The following WDPCP variants were observed in gnomAD, a reference collection of about 807,000 sequenced individuals.
WDPCP encodes the protein WD repeat containing planar cell polarity effector.
A neutral mutation model predicts 93.1 loss-of-function variants in WDPCP; 71 were observed. The ratio of observed to expected loss-of-function variants is 0.76; its 90% CI spans 0.63 to 0.93. The LOEUF (loss-of-function observed/expected upper bound fraction) is 0.93, where lower values mean the gene tolerates loss of function less well. Among genes scored for constraint, WDPCP ranks in the 40% least tolerant of loss-of-function variants. The probability of loss-of-function intolerance (pLI) is 0.00; values close to 1 mark genes in which losing one functional copy is unlikely to be tolerated. For synonymous variants in WDPCP, 315 were observed against 315.0 expected (o/e 1.00, Z 0.00); for missense variants, 844 against 887.4 (o/e 0.95, Z 0.62).
At chr2:63,563,110 A>G (rs996985722) in intron 1 of WDPCP, among the ~76,000 whole-genome samples, 3 of 152,162 alleles carry the variant, frequency 2.0e-5, no homozygotes, top group African/African-American at 7.2e-5. Flanking sequence ...GACTGAAAGG[A>G]TTGCATTTCT....
chr2:63,605,593 T>C (rs1458735269), intron 3 of WDPCP, among the ~76,000 whole-genome samples: 1 of 152,242 alleles, frequency 6.6e-6, no homozygotes, highest in East Asian at 1.9e-4. Context: ...ACATTACTAT[T>C]ATACACAGGG....
At chr2:63,473,986 C>T (rs1699829782) in intron 6 of WDPCP, among the ~76,000 whole-genome samples, 2 of 151,950 alleles carry the variant, frequency 1.3e-5, no homozygotes, top group Non-Finnish European at 2.9e-5. Context: ...AATCCTTATT[C>T]CTGTTTTATC....
At chr2:63,558,149 C>A (rs1185626952) in intron 1 of WDPCP, among the ~76,000 whole-genome samples, 1 of 151,634 alleles carries the variant, frequency 6.6e-6, no homozygotes, top group African/African-American at 2.4e-5. Context: ...AGATAAGAGA[C>A]ATAAAAACCT....
intron 3 of WDPCP, among the ~76,000 whole-genome samples, chr2:63,621,398 A>C (rs1033154179): frequency 6.6e-6 from 1 of 152,002 alleles, no homozygotes; most frequent in South Asian, 2.1e-4. Flanking sequence ...CAATAGCCGA[A>C]TTGATCAAGC....
intron 13 of WDPCP, among the ~76,000 whole-genome samples, chr2:63,275,101 G>C (rs1682979633): frequency 6.6e-6 from 1 of 152,080 alleles, no homozygotes. Flanking sequence ...ACATCAACAA[G>C]ACAATACACC....
intron 1 of WDPCP, among the ~76,000 whole-genome samples, chr2:63,546,103 A>G (rs1705134188): frequency 6.6e-6 from 1 of 152,176 alleles, no homozygotes; most frequent in Admixed American, 6.5e-5. Context: ...TACTATATTC[A>G]CTGAAGCAGA....
chr2:63,296,039 T>C (rs72813476), intron 13 of WDPCP, among the ~76,000 whole-genome samples: 24,383 of 151,886 alleles, frequency 0.16, 2,610 homozygotes, highest in Non-Finnish European at 0.21. Flanking sequence ...GTAAATATCC[T>C]CAACAAAATA....
At chr2:63,437,861 C>T (rs1697242392) in intron 7 of WDPCP, 2 of 1,597,560 alleles carry the variant, frequency 1.3e-6, no homozygotes, top group Admixed American at 1.7e-5. Flanking sequence ...CTATTTCGCA[C>T]CTGAATGTAG....
intron 13 of WDPCP, among the ~76,000 whole-genome samples, chr2:63,291,766 G>A (rs1684436210): frequency 6.6e-6 from 1 of 150,602 alleles, no homozygotes; most frequent in East Asian, 2.0e-4. Context: ...CTGAGATTGT[G>A]CCATTGCACT....
chr2:63,595,735 T>C (rs1178698171), intron 3 of WDPCP, among the ~76,000 whole-genome samples: 2 of 152,184 alleles, frequency 1.3e-5, no homozygotes, highest in Non-Finnish European at 2.9e-5. Context: ...TATCCTTTTT[T>C]CCCCAATGTG....
At chr2:63,301,119 C>T (rs376667082) in intron 13 of WDPCP, among the ~76,000 whole-genome samples, 1 of 152,206 alleles carries the variant, frequency 6.6e-6, no homozygotes, top group Non-Finnish European at 1.5e-5. Flanking sequence ...CCATGAGGCA[C>T]ATTGTTGGTC....
chr2:63,660,547 C>T lies in WDPCP; in HGVS notation n.309-9709G>A, dbSNP rs971405303. On this transcript the variant is annotated intron_variant and non_coding_transcript_variant, in intron 2 of 4. Coordinates refer to the WDPCP transcript ENST00000467687. ...CTCCCAGTCCAATTTATCTCCTCTG[C>T]TCTATATTGTTATTCTATTACCTCA... 2.9e-4 allele frequency among the ~76,000 whole-genome samples: 44 copies of T among 152,172 alleles called. 1 individual carries two copies. The highest frequency in any genetic ancestry group is 1.6e-4 in the Non-Finnish European group (11 of 68,028).
chr2:63,553,312 G>A (rs143863123), intron 1 of WDPCP, among the ~76,000 whole-genome samples: 1 of 152,104 alleles, frequency 6.6e-6, no homozygotes, highest in Non-Finnish European at 1.5e-5. Context: ...TCAAGGTTGT[G>A]GGAAGTATTT....
intron 13 of WDPCP, among the ~76,000 whole-genome samples, chr2:63,268,248 A>T (rs933841497): frequency 3.3e-5 from 5 of 152,124 alleles, no homozygotes; most frequent in East Asian, 1.9e-4. Context: ...GTATGATCTC[A>T]CTTGTTATAT....
At chr2:63,313,840 C>T (rs1686373239) in intron 12 of WDPCP, among the ~76,000 whole-genome samples, 2 of 75,256 alleles carry the variant, frequency 2.7e-5, no homozygotes, top group South Asian at 1.1e-3. Flanking sequence ...TCTGGCAATA[C>T]TAATTATTCA....
intron 2 of WDPCP, among the ~76,000 whole-genome samples, chr2:63,731,041 C>T (rs1452761102): frequency 6.6e-6 from 1 of 151,934 alleles, no homozygotes; most frequent in Non-Finnish European, 1.5e-5. Context: ...GAGGCCGAGG[C>T]GGGCGGATCA....
At chr2:63,756,450 G>A (rs1669968833) in intron 2 of WDPCP, among the ~76,000 whole-genome samples, 1 of 152,136 alleles carries the variant, frequency 6.6e-6, no homozygotes, top group South Asian at 2.1e-4. Flanking sequence ...TGATCACTCT[G>A]TGACATCTTG....
chr2:63,278,434 G>A (rs1269750716), intron 13 of WDPCP, among the ~76,000 whole-genome samples: 4 of 104,302 alleles, frequency 3.8e-5, no homozygotes, highest in Admixed American at 3.3e-4. Context: ...AAATGAAATC[G>A]ATTGAAACAA....
intron 3 of WDPCP, chr2:63,604,759 T>G (rs1709494748): frequency 6.2e-7 from 1 of 1,614,180 alleles, no homozygotes; most frequent in Non-Finnish European, 8.5e-7. Flanking sequence ...GGGAAACCAT[T>G]CCTCGACTCA....
Sources: gnomAD v4.1 joint callset for allele counts (sites outside exome capture counted in the v4.1 genomes callset) on GRCh38, gnomAD v4.1.1 for gene constraint, MANE v1.5 for transcripts, NCBI Gene and HGNC (gene_info 2026-07-23, HGNC 2026-07-21) for gene names.